GPC6: variants seen among roughly 807,000 people sequenced by gnomAD.
GPC6 encodes glypican-6.
Under a neutral mutation model 55.2 loss-of-function variants are expected in GPC6, and 14 were observed. That is an observed-to-expected ratio of 0.25 (90% CI 0.17 to 0.40). The LOEUF is 0.40. Among genes scored for constraint, GPC6 ranks in the 10% least tolerant of loss-of-function variants. The pLI is 1.00. For synonymous variants in GPC6, 278 were observed against 259.6 expected (o/e 1.07, Z -0.68); for missense variants, 641 against 708.5 (o/e 0.90, Z 1.08).
At chr13:94,335,987 T>C (rs1877676492) in intron 6 of GPC6, among the ~76,000 whole-genome samples, 1 of 151,998 alleles carries the variant, frequency 6.6e-6, no homozygotes, top group Admixed American at 6.6e-5. Context: ...GTGTCAATCT[T>C]TACTTGGACA....
intron 1 of GPC6, among the ~76,000 whole-genome samples, chr13:93,506,036 T>C (rs548706174): frequency 6.6e-6 from 1 of 152,344 alleles, no homozygotes; most frequent in African/African-American, 2.4e-5. Context: ...GATACAGTTA[T>C]TGCTGCCGAG....
At chr13:93,682,900 C>A (rs1881904985) in intron 2 of GPC6, among the ~76,000 whole-genome samples, 1 of 150,806 alleles carries the variant, frequency 6.6e-6, no homozygotes, top group Non-Finnish European at 1.5e-5. Context: ...CGCCTGTAAT[C>A]CTAGCTACTT....
intron 3 of GPC6, among the ~76,000 whole-genome samples, chr13:94,009,055 AATTATT>A (rs1467986275): frequency 1.3e-5 from 2 of 152,208 alleles, no homozygotes; most frequent in Admixed American, 6.5e-5. Context: ...TTATCATTAC[AATTATT>A]ATTGATATTG....
intron 4 of GPC6, among the ~76,000 whole-genome samples, chr13:94,232,745 C>G (rs1025583457): frequency 6.6e-6 from 1 of 151,958 alleles, no homozygotes; most frequent in African/African-American, 2.4e-5. Flanking sequence ...TTCCAGAAAC[C>G]TTGGAAACAG....
chr13:93,319,403 G>GA (rs1271778436), intron 1 of GPC6, among the ~76,000 whole-genome samples: 5 of 152,180 alleles, frequency 3.3e-5, no homozygotes, highest in South Asian at 2.1e-4. Flanking sequence ...GTATGGATCA[G>GA]AAAAAATGGC....
At chr13:93,945,596 T>C (rs988016969) in intron 3 of GPC6, among the ~76,000 whole-genome samples, 15 of 152,028 alleles carry the variant, frequency 9.9e-5, no homozygotes, top group Admixed American at 8.5e-4. Flanking sequence ...ACAAAAAAAA[T>C]AGGGAAGCCG....
At chr13:93,390,445 A>G (rs891932373) in intron 1 of GPC6, among the ~76,000 whole-genome samples, 13 of 152,128 alleles carry the variant, frequency 8.5e-5, no homozygotes, top group African/African-American at 2.9e-4. Flanking sequence ...ACCTCAATAT[A>G]GTGTACTCTA....
At chr13:93,383,824 A>G (rs1053200872) in intron 1 of GPC6, among the ~76,000 whole-genome samples, 1 of 152,068 alleles carries the variant, frequency 6.6e-6, no homozygotes. Flanking sequence ...AAGTCTATTT[A>G]ATTGTGCTAA....
intron 4 of GPC6, among the ~76,000 whole-genome samples, chr13:94,255,274 C>T (rs1214186025): frequency 6.6e-6 from 1 of 152,082 alleles, no homozygotes; most frequent in Non-Finnish European, 1.5e-5. Flanking sequence ...GTGATCAAAC[C>T]AAATCATGCA....
At chr13:93,228,902 G>T (rs565020170) in intron 1 of GPC6, among the ~76,000 whole-genome samples, 1 of 152,290 alleles carries the variant, frequency 6.6e-6, no homozygotes, top group South Asian at 2.1e-4. Flanking sequence ...CTGTAGAAGT[G>T]AGGGTTTTTA....
intron 3 of GPC6, among the ~76,000 whole-genome samples, chr13:93,852,545 T>A (rs1888441865): frequency 6.6e-6 from 1 of 151,750 alleles, no homozygotes. Context: ...ACTACCAGCT[T>A]TTCCTAAAGT....
intron 6 of GPC6, among the ~76,000 whole-genome samples, chr13:94,363,591 C>A (rs545273381): frequency 2.0e-5 from 3 of 152,300 alleles, no homozygotes; most frequent in East Asian, 3.9e-4. Context: ...CAGACAACAA[C>A]CCCTAGCCTA....
intron 6 of GPC6, among the ~76,000 whole-genome samples, chr13:94,354,549 TAGC>T (rs1878702416): frequency 6.6e-6 from 1 of 152,252 alleles, no homozygotes; most frequent in Non-Finnish European, 1.5e-5. Context: ...ATGCTATGTG[TAGC>T]ACAAAAAATA....
intron 3 of GPC6, among the ~76,000 whole-genome samples, chr13:93,874,000 G>A (rs1381937946): frequency 4.0e-5 from 6 of 151,818 alleles, no homozygotes; most frequent in African/African-American, 1.2e-4. Context: ...CTCCTATCTG[G>A]TCTCCCTGCA....
chr13:94,406,353 G>C lies in GPC6; in HGVS notation c.*3136G>C, dbSNP rs1202553314. On this transcript the variant is annotated 3_prime_UTR_variant, in exon 9 of 9. Transcript: ENST00000377047. ...TTTACCAATAAGAGCTCTGTTTATG[G>C]TTCTGTATTGAAGGACAACCATGAC... 5.3e-5 allele frequency: 8 copies of C among 152,088 alleles called. No homozygotes were observed. Among genetic ancestry groups the C allele is most frequent in the Non-Finnish European group, 8.8e-5 (6 of 67,962 alleles). The allele number at this position is 152,088 out of a possible 1,614,324, so 9.4% of individuals were successfully genotyped here. A position where few individuals can be genotyped will look rare whatever the true frequency, so the allele number is the denominator to read the frequency against.
chr13:93,808,356 A>G (rs1886598275), intron 2 of GPC6, among the ~76,000 whole-genome samples: 1 of 152,202 alleles, frequency 6.6e-6, no homozygotes, highest in Non-Finnish European at 1.5e-5. Flanking sequence ...TCCAAGTGCT[A>G]ATTTAACAGG....
At chr13:93,556,404 ATATG>A (rs199740588) in intron 2 of GPC6, among the ~76,000 whole-genome samples, 2 of 107,400 alleles carry the variant, frequency 1.9e-5, no homozygotes, top group African/African-American at 6.6e-5. Flanking sequence ...GTATGTATGT[ATATG>A]TATATATATA....
chr13:93,883,675 C>A lies in GPC6; in HGVS notation c.711+53130C>A, dbSNP rs1875139998. 2.0e-5 allele frequency among the ~76,000 whole-genome samples: 3 copies of A among 151,778 alleles called. No homozygotes were observed. The South Asian group carries it at 6.2e-4, about 31-fold the overall frequency. ...TCTTTGTTTTTTTCTTTAACTATTTCTTAACCATTTTAATCCTTCATGTCA... is the reference window on the plus strand; with the variant it reads ...TCTTTGTTTTTTTCTTTAACTATTTATTAACCATTTTAATCCTTCATGTCA... On this transcript the variant is annotated intron_variant, in intron 3 of 8. Transcript: ENST00000377047.
chr13:94,251,417 A>G (rs1891343722), intron 4 of GPC6, among the ~76,000 whole-genome samples: 1 of 151,174 alleles, frequency 6.6e-6, no homozygotes, highest in African/African-American at 2.4e-5. Context: ...ACATATACCT[A>G]TGTAACAAAC....
Sources: allele counts gnomAD v4.1 joint callset (sites outside exome capture counted in the v4.1 genomes callset), GRCh38; gene constraint gnomAD v4.1.1; transcripts MANE v1.5; gene names NCBI Gene and HGNC (gene_info 2026-07-23, HGNC 2026-07-21).